The following INTS1 variants were observed in gnomAD, a reference collection of about 807,000 sequenced individuals.
INTS1 encodes integrator complex subunit 1.
Under a neutral mutation model 241.6 loss-of-function variants are expected in INTS1, and 137 were observed. The ratio of observed to expected loss-of-function variants is 0.57; its 90% CI spans 0.49 to 0.65. The LOEUF is 0.65. INTS1 is among the 30% of genes least tolerant of loss of function. INTS1 has a pLI of 0.00. For synonymous variants in INTS1, 1,692 were observed against 1,337.8 expected (o/e 1.26, Z -5.78); for missense variants, 3,073 against 3,032.2 (o/e 1.01, Z -0.32).
chr7:1,489,210 G>A, intron 18 of INTS1, 134 bp downstream of exon 18: 1 of 667,456 alleles, frequency 1.5e-6, no homozygotes, highest in Non-Finnish European at 2.6e-6. Context: ...AGAAGCTCAG[G>A]TCCATGAGTC....
At position 1,477,951 on chromosome 7, in the gene INTS1, A is replaced by G; in HGVS notation, c.4631-15T>C. 2 of 1,611,156 alleles carry G rather than the reference A, an allele frequency of 1.2e-6. No individual in the cohort carries two copies. The highest frequency in any genetic ancestry group is 1.7e-6 in the Non-Finnish European group (2 of 1,178,756). On this transcript the variant is annotated splice_polypyrimidine_tract_variant and intron_variant, in intron 33 of 47. Coordinates refer to ENST00000404767, the MANE Select transcript of INTS1 (RefSeq NM_001080453.3). ...CCCCTGGAGGACTGCGCAAGGGACA[A>G]AGAGACATGTGGGTCACTCCCAGGT...
intron 14 of INTS1, 46 bp downstream of exon 14, chr7:1,494,770 C>G: frequency 6.5e-7 from 1 of 1,539,500 alleles, no homozygotes. Flanking sequence ...ACCCCGCAGC[C>G]CCGCCCAGCC....
At chr7:1,488,923 A>G (rs894916444) in intron 18 of INTS1, among the ~76,000 whole-genome samples, 70 of 152,252 alleles carry the variant, frequency 4.6e-4, no homozygotes, top group African/African-American at 1.4e-3. Flanking sequence ...GCAGGGTCAC[A>G]CCTGGCCCAC....
chr7:1,474,227 G>A lies in INTS1; in HGVS notation c.5770C>T (p.Arg1924Cys), dbSNP rs770249185. 51 of 1,599,252 alleles carry A rather than the reference G, an allele frequency of 3.2e-5. No homozygotes were observed. Among genetic ancestry groups the A allele is most frequent in the African/African-American group, 1.7e-4 (13 of 74,668 alleles). ...CACAGCGCCCCCTGGTGCTCGCTGC[G>A]GAACACGTGCGGCTGCAGCAGCTCC... is the stretch of plus-strand genomic sequence containing the variant. ...LLELLQPHVF[R>C]SEHQGALWDC... Residue 1924 changes from arginine to cysteine, a missense_variant, in exon 41 of 48, where the codon CGC becomes TGC. Coordinates refer to ENST00000404767, the MANE Select transcript of INTS1 (RefSeq NM_001080453.3).
Position 1,476,287 on chromosome 7 carries a change from C to A in INTS1, c.5320G>T (p.Glu1774Ter). The A allele has an allele frequency of 6.3e-7, 1 of 1,584,884 alleles. No individual in the cohort carries two copies. The change falls in exon 38 of 48, where the codon GAG becomes TAG. Residue 1774 changes from glutamate to a stop codon, truncating the protein, a stop_gained. Coordinates refer to ENST00000404767, the MANE Select transcript of INTS1 (RefSeq NM_001080453.3). LOFTEE classifies it high-confidence loss of function. ...LLLSCCCGDD[E>*]SVRKVTEHLS... ...TGCTCCGTCACCTTCCTGACACTCTCATCGTCCCCACAGCAGCAGCTGAGC... is the reference window on the plus strand; with the variant it reads ...TGCTCCGTCACCTTCCTGACACTCTAATCGTCCCCACAGCAGCAGCTGAGC...
intron 12 of INTS1, 71 bp downstream of exon 12, chr7:1,496,085 G>T: frequency 1.6e-6 from 2 of 1,251,822 alleles, no homozygotes; most frequent in East Asian, 2.4e-5. Context: ...TGCAGCCTCG[G>T]AGAGCCGCCA....
Position 1,497,228 on chromosome 7 carries a change from C to T in INTS1, c.1512G>A (p.Lys504=), listed in dbSNP as rs771224736. The T allele has an allele frequency of 3.1e-6, 5 of 1,613,298 alleles. No homozygotes were observed. The highest frequency in any genetic ancestry group is 2.5e-6 in the Non-Finnish European group (3 of 1,179,768). Residue 504 remains lysine, a synonymous_variant, in exon 11 of 48, where the codon AAG becomes AAA. Coordinates refer to ENST00000404767, the MANE Select transcript of INTS1 (RefSeq NM_001080453.3). The surrounding 1 kb of genome is among the most constrained non-coding windows in gnomAD (Gnocchi z 5.3). ...ASRALLREII[K]QTKHEINFQA... ...GGAAGTTGATCTCGTGCTTGGTCTG[C>T]TTGATGATCTCCCGCAGCAGGGCCC...
chr7:1,503,845 A>AAAGTCCCCCC, intron 2 of INTS1, 58 bp downstream of exon 2: 1 of 1,186,842 alleles, frequency 8.4e-7, no homozygotes, highest in Non-Finnish European at 1.2e-6. Flanking sequence ...TGAGATCCCC[A>AAAGTCCCCCC]AAGACCCCCA....
At position 1,479,698 on chromosome 7, in the gene INTS1, G is replaced by A; in HGVS notation, c.4075-14C>T. On this transcript the variant is annotated splice_polypyrimidine_tract_variant and intron_variant, in intron 30 of 47. Transcript: ENST00000404767. ...GAGCGGGAAAATCTGGAACGGGGAA[G>A]GCCAGTGTCAGGAGGAAGCGGAGGA... 6.9e-7 allele frequency: 1 copy of A among 1,457,760 alleles called. No homozygotes were observed. Among genetic ancestry groups the A allele is most frequent in the Non-Finnish European group, 9.1e-7 (1 of 1,103,654 alleles). 90.3% of individuals were successfully genotyped at this position (1,457,760 alleles called of 1,614,324 possible). A position where few individuals can be genotyped will look rare whatever the true frequency, so the allele number is the denominator to read the frequency against.
chr7:1,497,417 G>C lies in INTS1; in HGVS notation c.1426-103C>G, dbSNP rs139353551. The C allele has an allele frequency of 4.9e-4, 615 of 1,260,352 alleles. No individual in the cohort carries two copies. In the African/African-American group the frequency reaches 8.4e-3, roughly 17 times the overall value. 78.1% of individuals were successfully genotyped at this position (1,260,352 alleles called of 1,614,324 possible). A position where few individuals can be genotyped will look rare whatever the true frequency, so the allele number is the denominator to read the frequency against. ...AGGTATGGCGCCCGAGGGCGCTGCAGTGGGTCTCAGACAGTGTGGGGTGCG... is the reference window on the plus strand; with the variant it reads ...AGGTATGGCGCCCGAGGGCGCTGCACTGGGTCTCAGACAGTGTGGGGTGCG... On this transcript the variant is annotated intron_variant, in intron 10 of 47. Transcript: ENST00000404767. This position sits in a 1 kb window ranked among gnomAD's most constrained non-coding sequence, Gnocchi z 5.3.
chr7:1,485,441 C>T lies in INTS1; in HGVS notation c.3005G>A (p.Ser1002Asn). The change falls in exon 23 of 48, where the codon AGC becomes AAC. Residue 1002 changes from serine to asparagine, a missense_variant. Transcript: ENST00000404767. The stretch of plus-strand genomic sequence containing the variant: ...CTCCTTCTCCTCCCCGTCCCGCAGG[C>T]TGCCCTCCGAAAGCACCAGCGACAA... Reference protein sequence around the residue: ...KGLSLVLSEGSLRDGEEKEPP... With the variant: ...KGLSLVLSEGNLRDGEEKEPP... 1.2e-6 allele frequency: 2 copies of T among 1,612,666 alleles called. No homozygotes were observed.
intron 35 of INTS1, 122 bp from the exon 36 acceptor site, chr7:1,477,040 A>T: frequency 2.4e-6 from 3 of 1,231,196 alleles, no homozygotes; most frequent in Non-Finnish European, 3.4e-6. Context: ...GCTGCCGGTA[A>T]CACCGGCCCC....
Position 1,489,406 on chromosome 7 carries a change from T to G in INTS1, c.2258-2A>C. On this transcript the variant is annotated splice_acceptor_variant, in intron 17 of 47. Coordinates refer to ENST00000404767, the MANE Select transcript of INTS1 (RefSeq NM_001080453.3). LOFTEE classifies it high-confidence loss of function. ...GGTACTCCTCCCACGCAGCCAGGCC[T>G]AGGGAACCGGAGGGTGTGGGGCTGG... 1 of 1,014,076 alleles carries G rather than the reference T, an allele frequency of 9.9e-7. No homozygotes were observed. The highest frequency in any genetic ancestry group is 3.9e-5 in the Admixed American group (1 of 25,674). 62.8% of individuals were successfully genotyped at this position (1,014,076 alleles called of 1,614,324 possible). A position where few individuals can be genotyped will look rare whatever the true frequency, so the allele number is the denominator to read the frequency against.
Position 1,493,246 on chromosome 7 carries a change from A to G in INTS1, c.2069-140T>C. On this transcript the variant is annotated intron_variant, in intron 15 of 47. Coordinates refer to ENST00000404767, the MANE Select transcript of INTS1 (RefSeq NM_001080453.3). The surrounding 1 kb of genome is among the most constrained non-coding windows in gnomAD (Gnocchi z 5.3). The stretch of plus-strand genomic sequence containing the variant: ...GGTGGGGCGCAGGCCTGAGCAGGAG[A>G]GCTGGGGGAAGCTTGGCTTCTCACT... 1 of 636,596 alleles carries G rather than the reference A, an allele frequency of 1.6e-6. No homozygotes were observed. Among genetic ancestry groups the G allele is most frequent in the South Asian group, 2.0e-5 (1 of 50,472 alleles). The allele number at this position is 636,596 out of a possible 1,614,324, so 39.4% of individuals were successfully genotyped here.
intron 39 of INTS1, among the ~76,000 whole-genome samples, chr7:1,475,531 G>T (rs1017978038): frequency 1.2e-4 from 18 of 152,146 alleles, no homozygotes; most frequent in Non-Finnish European, 2.4e-4. Context: ...GGCCTGCGGT[G>T]GGGAAGCGGG....
intron 40 of INTS1, 136 bp from the exon 41 acceptor site, chr7:1,474,496 G>A (rs1422490202): frequency 1.5e-5 from 17 of 1,158,574 alleles, no homozygotes; most frequent in Non-Finnish European, 1.8e-5. Flanking sequence ...CTAAGGAGGT[G>A]GGGATGAGAT....
At chr7:1,476,721 G>C in intron 36 of INTS1, 64 bp from the exon 37 acceptor site, 1 of 1,612,262 alleles carries the variant, frequency 6.2e-7, no homozygotes, top group Non-Finnish European at 8.5e-7. Context: ...ATACCAGTCA[G>C]AGCCGGCGCT....
rs1194318662 is a variant in INTS1 at position 1,489,572 on chromosome 7, G to A, written c.2257+19C>T. 1 of 1,557,768 alleles carries A rather than the reference G, an allele frequency of 6.4e-7. No homozygotes were observed. On this transcript the variant is annotated intron_variant, in intron 17 of 47. Transcript: ENST00000404767. The stretch of plus-strand genomic sequence containing the variant: ...CAGCAGGGCCACGTGTGCGCATGGG[G>A]CGGCCAGCAGAGGCTCACCGATGTT...
chr7:1,474,413 C>T (rs139498993), intron 40 of INTS1, 53 bp from the exon 41 acceptor site: 2 of 1,509,332 alleles, frequency 1.3e-6, no homozygotes, highest in African/African-American at 1.4e-5. Context: ...TCACCTGGCG[C>T]ACGTCCCCAG....
Sources: allele counts gnomAD v4.1 joint callset (sites outside exome capture counted in the v4.1 genomes callset), GRCh38; gene constraint gnomAD v4.1.1; non-coding constraint Gnocchi (gnomAD v3.1); transcripts MANE v1.5; gene names NCBI Gene and HGNC (gene_info 2026-07-23, HGNC 2026-07-21).